Variants in HNRNPUL2 observed in about 807,000 individuals in gnomAD.
The protein encoded by HNRNPUL2 is heterogeneous nuclear ribonucleoprotein U like 2.
Under a neutral mutation model 102.2 loss-of-function variants are expected in HNRNPUL2, and 27 were observed. The observed-to-expected ratio is 0.26, with a 90% CI of 0.19 to 0.36. The LOEUF (loss-of-function observed/expected upper bound fraction) is 0.36. Ranked by LOEUF, HNRNPUL2 falls within the 10% of genes least tolerant of loss-of-function variation. HNRNPUL2 has a pLI of 1.00. For missense variants in HNRNPUL2, 936 were observed against 981.1 expected, an observed-to-expected ratio of 0.95 and a Z score of 0.61; for synonymous variants, 458 against 387.2, an observed-to-expected ratio of 1.18 and a Z score of -2.15.
At chr11:62,716,859 C>T in intron 11 of HNRNPUL2, 130 bp downstream of exon 11, 2 of 779,058 alleles carry the variant, frequency 2.6e-6, no homozygotes, top group African/African-American at 1.7e-5. Flanking sequence ...AAGAAATAAG[C>T]TCCATGAAGA....
chr11:62,721,173 C>G, intron 9 of HNRNPUL2, 122 bp downstream of exon 9: 1 of 915,594 alleles, frequency 1.1e-6, no homozygotes, highest in Non-Finnish European at 1.7e-6. Context: ...GTTCAAAAAA[C>G]ATTGCAACCA....
At chr11:62,715,461 C>G (rs1193150474) in intron 13 of HNRNPUL2, 39 bp downstream of exon 13, 1 of 1,572,480 alleles carries the variant, frequency 6.4e-7, no homozygotes, top group South Asian at 1.1e-5. Context: ...TCTGCTCCTG[C>G]CCCCCTTCAC....
chr11:62,719,380 G>A (rs533290), intron 10 of HNRNPUL2, among the ~76,000 whole-genome samples: 108,383 of 152,028 alleles, frequency 0.71, 39,556 homozygotes, highest in Admixed American at 0.81. Context: ...GAACCCAGGA[G>A]GTGGACGTTG....
intron 9 of HNRNPUL2, 124 bp from the exon 10 acceptor site, chr11:62,720,315 G>A (rs1244015430): frequency 4.9e-6 from 4 of 823,318 alleles, no homozygotes. Context: ...GGAGGCCGAG[G>A]TGGGCAGATC....
intron 5 of HNRNPUL2, 23 bp downstream of exon 5, chr11:62,722,790 G>A (rs2083713627): frequency 7.4e-6 from 12 of 1,611,620 alleles, no homozygotes; most frequent in Non-Finnish European, 1.0e-5. Context: ...ACACTAATGA[G>A]GAACTTAAAG....
In HNRNPUL2 at chr11:62,727,163, C is replaced by T; in HGVS notation, c.-7G>A. Reference sequence around the variant, plus strand: ...TCAGCCGCTTCACCTCCATCGCCGCCGCCGCCTCCTCCGCCTCCCGCCGCC... The same window carrying T: ...TCAGCCGCTTCACCTCCATCGCCGCTGCCGCCTCCTCCGCCTCCCGCCGCC... On this transcript the variant is annotated 5_prime_UTR_variant, in exon 1 of 14. Transcript: ENST00000301785. 1 of 1,429,248 alleles carries T rather than the reference C, an allele frequency of 7.0e-7. No individual in the cohort carries two copies. Among genetic ancestry groups the T allele is most frequent in the South Asian group, 1.4e-5 (1 of 73,576 alleles). The allele number at this position is 1,429,248 out of a possible 1,614,324, so 88.5% of individuals were successfully genotyped here. A position where few individuals can be genotyped will look rare whatever the true frequency, so the allele number is the denominator to read the frequency against.
At position 62,726,656 on chromosome 11, in the gene HNRNPUL2, T is replaced by C. The variant is rs2083751265; in HGVS notation, c.501A>G (p.Gly167=). The change falls in exon 1 of 14, where the codon GGA becomes GGG. Residue 167 remains glycine, a synonymous_variant. Coordinates refer to ENST00000301785, the MANE Select transcript of HNRNPUL2 (RefSeq NM_001079559.3). ...PEERSGDETP[G]SEVPGDKAAE... ...CGGCCTTGTCACCCGGCACCTCGGA[T>C]CCCGGCGTCTCGTCCCCGCTCCGCT... The C allele has an allele frequency of 6.3e-7, 1 of 1,598,132 alleles. No homozygotes were observed. The highest frequency in any genetic ancestry group is 8.5e-7 in the Non-Finnish European group (1 of 1,178,552).
intron 11 of HNRNPUL2, 21 bp downstream of exon 11, chr11:62,716,968 T>C: frequency 6.2e-7 from 1 of 1,611,700 alleles, no homozygotes; most frequent in Non-Finnish European, 8.5e-7. Flanking sequence ...AGTAGGGGGC[T>C]GGCAGGTCCC....
chr11:62,715,661 CCCACCGTGA>C, intron 12 of HNRNPUL2, 54 bp from the exon 13 acceptor site: 1 of 1,280,648 alleles, frequency 7.8e-7, no homozygotes, highest in African/African-American at 1.5e-5. Context: ...GGCAGCATGA[CCCACCGTGA>C]CCCCCTTTTA....
chr11:62,724,779 A>C (rs1221211155), intron 1 of HNRNPUL2, among the ~76,000 whole-genome samples: 1 of 152,254 alleles, frequency 6.6e-6, no homozygotes, highest in African/African-American at 2.4e-5. Flanking sequence ...TCAAAGGTTA[A>C]TTTAATTTTG....
intron 2 of HNRNPUL2, 64 bp downstream of exon 2, chr11:62,724,227 C>T: frequency 6.3e-7 from 1 of 1,598,724 alleles, no homozygotes; most frequent in African/African-American, 1.3e-5. Context: ...TCTCTCCAGT[C>T]AATACCAGGT....
At chr11:62,721,195 C>T in intron 9 of HNRNPUL2, 100 bp downstream of exon 9, 1 of 1,119,214 alleles carries the variant, frequency 8.9e-7, no homozygotes, top group Admixed American at 2.6e-5. Flanking sequence ...AACACACAAC[C>T]AGATGGTCAT....
chr11:62,722,082 A>G lies in HNRNPUL2; in HGVS notation c.1359+35T>C, dbSNP rs527848775. ...GCATACGCACCCACCTCTGCAAAGCATACAACCTCAGTGTTCGTATACTGT... is the reference window on the plus strand; with the variant it reads ...GCATACGCACCCACCTCTGCAAAGCGTACAACCTCAGTGTTCGTATACTGT... On this transcript the variant is annotated intron_variant, in intron 7 of 13. Coordinates refer to ENST00000301785, the MANE Select transcript of HNRNPUL2 (RefSeq NM_001079559.3). 25 of 1,607,690 alleles carry G rather than the reference A, an allele frequency of 1.6e-5. No homozygotes were observed. In the South Asian group the frequency reaches 2.5e-4, roughly 16 times the overall value.
rs779813136 is a variant in HNRNPUL2, at chr11:62,726,875, G to C, written c.282C>G (p.Asp94Glu). The C allele has an allele frequency of 6.3e-7, 1 of 1,579,042 alleles. No homozygotes were observed. Among genetic ancestry groups the C allele is most frequent in the Non-Finnish European group, 8.5e-7 (1 of 1,171,544 alleles). The change falls in exon 1 of 14, where the codon GAC becomes GAG. Residue 94 changes from aspartate to glutamate, a missense_variant. This residue lies in a region of HNRNPUL2 where 327 missense variants were observed against 268.1 expected (regional missense o/e 1.22). Coordinates refer to ENST00000301785, the MANE Select transcript of HNRNPUL2 (RefSeq NM_001079559.3). The part of the protein sequence containing the change: ...EDEEALLEDE[D>E]EEPPPAQALG... ...AGGCTTGAGCAGGGGGTGGCTCCTC[G>C]TCCTCGTCCTCAAGCAGCGCCTCCT...
chr11:62,723,699 C>A lies in HNRNPUL2; in HGVS notation c.779G>T (p.Ser260Ile). 4 of 1,614,162 alleles carry A rather than the reference C, an allele frequency of 2.5e-6. No individual in the cohort carries two copies. Among genetic ancestry groups the A allele is most frequent in the Non-Finnish European group, 3.4e-6 (4 of 1,180,036 alleles). ...TYTSDLHFQV[S>I]KDRYGGQPLF... ...TGGCTGCCCTCCATAGCGGTCTTTG[C>A]TCACTTGAAAATGCAGATCCGAGGT... The change falls in exon 4 of 14, where the codon AGC becomes ATC. Residue 260 changes from serine (S) to isoleucine (I), a missense_variant. By Grantham distance (142) the Ser-to-Ile change is moderately radical. This residue lies in a region of HNRNPUL2 where 609 missense variants were observed against 713.0 expected (regional missense o/e 0.85). Coordinates refer to ENST00000301785, the MANE Select transcript of HNRNPUL2 (RefSeq NM_001079559.3).
Position 62,727,105 on chromosome 11 carries a change from G to A in HNRNPUL2, c.52C>T (p.Arg18Trp). The A allele has an allele frequency of 1.4e-6, 2 of 1,447,846 alleles. No homozygotes were observed. Among genetic ancestry groups the A allele is most frequent in the Non-Finnish European group, 1.8e-6 (2 of 1,102,724 alleles). The allele number at this position is 1,447,846 out of a possible 1,614,324, so 89.7% of individuals were successfully genotyped here. ...VTELRSELQR[R>W]GLDSRGLKVD... ...TTGAGGCCGCGCGAGTCCAGGCCCC[G>A]CCGCTGCAGCTCCGACCGCAGCTCG... The change falls in exon 1 of 14, where the codon CGG (arginine) becomes TGG (tryptophan). Residue 18 changes from arginine to tryptophan, a missense_variant. Physicochemically the swap from Arg to Trp is moderately radical, Grantham distance 101 (BLOSUM62 -3). Around this residue, in one of 2 missense-constraint regions of HNRNPUL2, gnomAD observed 327 missense variants for 268.1 expected, o/e 1.22. Coordinates refer to ENST00000301785, the MANE Select transcript of HNRNPUL2 (RefSeq NM_001079559.3).
chr11:62,721,479 G>A (rs965421756), intron 8 of HNRNPUL2, 56 bp from the exon 9 acceptor site: 2 of 1,484,314 alleles, frequency 1.3e-6, no homozygotes, highest in African/African-American at 1.4e-5. Context: ...TATATTGCAA[G>A]TTAAAGCCCA....
At chr11:62,725,737 T>C (rs994522178) in intron 1 of HNRNPUL2, among the ~76,000 whole-genome samples, 5 of 152,192 alleles carry the variant, frequency 3.3e-5, no homozygotes, top group Non-Finnish European at 7.3e-5. Context: ...CACACTGTTA[T>C]GGATCAGTTC....
At chr11:62,722,452 CT>C (rs1297133366) in intron 6 of HNRNPUL2, 72 bp from the exon 7 acceptor site, 8 of 1,541,688 alleles carry the variant, frequency 5.2e-6, no homozygotes, top group South Asian at 1.2e-5. Flanking sequence ...ACAATTTATT[CT>C]TTTTTCACAC....
Sources: gnomAD v4.1 joint callset for allele counts (sites outside exome capture counted in the v4.1 genomes callset) on GRCh38, gnomAD v4.1.1 for gene constraint, gnomAD v4.1.1 regional missense constraint, MANE v1.5 for transcripts, NCBI Gene and HGNC (gene_info 2026-07-23, HGNC 2026-07-21) for gene names.